KMT2E: variants seen among roughly 807,000 people sequenced by gnomAD.
The protein encoded by KMT2E is lysine methyltransferase 2E (inactive).
KMT2E carries 30 observed loss-of-function variants against 184.6 expected under a neutral mutation model. The ratio of observed to expected loss-of-function variants is 0.16; its 90% CI spans 0.12 to 0.22. The LOEUF (loss-of-function observed/expected upper bound fraction) is 0.22, where lower values mean the gene tolerates loss of function less well. Among genes scored for constraint, KMT2E ranks in the 10% least tolerant of loss-of-function variants. KMT2E has a pLI of 1.00. For missense variants in KMT2E, 2,023 were observed against 2,237.4 expected (o/e 0.90, Z 1.93); for synonymous variants, 815 against 776.5 (o/e 1.05, Z -0.82).
chr7:105,022,020 C>T (rs1317916413), intron 1 of KMT2E, among the ~76,000 whole-genome samples: 1 of 152,092 alleles, frequency 6.6e-6, no homozygotes, highest in Non-Finnish European at 1.5e-5. Flanking sequence ...TATATATACA[C>T]CTGGTATTTT....
chr7:105,064,061 C>T (rs1451803373), intron 5 of KMT2E: 1 of 449,076 alleles, frequency 2.2e-6, no homozygotes, highest in African/African-American at 2.0e-5. Flanking sequence ...GAACCACAGT[C>T]TCCCCTCCCC....
intron 1 of KMT2E, among the ~76,000 whole-genome samples, chr7:105,028,169 C>CTT (rs751104838): frequency 2.8e-5 from 4 of 142,124 alleles, no homozygotes; most frequent in African/African-American, 2.6e-5. Context: ...GGAACTGAGA[C>CTT]TTTTTTTTTT....
Position 105,077,095 on chromosome 7 carries a change from C to G in KMT2E, c.901C>G (p.Gln301Glu). The G allele has an allele frequency of 6.2e-7, 1 of 1,613,666 alleles. No homozygotes were observed. The highest frequency in any genetic ancestry group is 8.5e-7 in the Non-Finnish European group (1 of 1,179,846). Residue 301 changes from glutamine to glutamate, a missense_variant, in exon 10 of 27, where the codon CAA (glutamine) becomes GAA (glutamate). Coordinates refer to ENST00000311117, the MANE Select transcript of KMT2E (RefSeq NM_182931.3). ...CAGTGAGGGTGTTCAGAGGGAGGCACAAAGAATAGCTCTGAGATTAGGCAA... is the reference window on the plus strand; with the variant it reads ...CAGTGAGGGTGTTCAGAGGGAGGCAGAAAGAATAGCTCTGAGATTAGGCAA... ...QYSEGVQREA[Q>E]RIALRLGNGN...
intron 1 of KMT2E, among the ~76,000 whole-genome samples, chr7:105,029,617 A>G (rs1283314863): frequency 1.3e-5 from 2 of 152,170 alleles, no homozygotes; most frequent in East Asian, 3.9e-4. Context: ...GAGGAGGCAC[A>G]AAAGATTGGG....
intron 1 of KMT2E, among the ~76,000 whole-genome samples, chr7:105,031,006 G>A (rs1330977019): frequency 6.6e-6 from 1 of 152,176 alleles, no homozygotes; most frequent in African/African-American, 2.4e-5. Flanking sequence ...GTGATAGAAA[G>A]CATACTTAGA....
Position 105,106,015 on chromosome 7 carries a change from T to A in KMT2E, c.2596+12T>A, listed in dbSNP as rs201118896. 1.6e-4 allele frequency: 256 copies of A among 1,596,564 alleles called. 1 individual carries two copies. The highest frequency in any genetic ancestry group is 8.4e-4 in the Middle Eastern group (5 of 5,956). On this transcript the variant is annotated intron_variant, in intron 19 of 26. Transcript: ENST00000311117. ...CTGTTCCCTTCCAGGTAGAATTTTT[T>A]TTTCAGAGTTTTGGTTTGAGAAATG...
chr7:105,113,476 T>TTTGC lies in KMT2E; in HGVS notation c.*146_*149dup. 1.0e-6 allele frequency: 1 copy of TTTGC among 989,396 alleles called. No individual in the cohort carries two copies. Among genetic ancestry groups the TTTGC allele is most frequent in the Non-Finnish European group, 1.4e-6 (1 of 709,704 alleles). 61.3% of individuals were successfully genotyped at this position (989,396 alleles called of 1,614,324 possible). ...GCTCTTTCGTTGTATTTTTCTCATT[T>TTTGC]TTGCTTTTTAAAATTCCTTTAAAAA... is the stretch of plus-strand genomic sequence containing the variant. On this transcript the variant is annotated 3_prime_UTR_variant, in exon 27 of 27. Coordinates refer to ENST00000311117, the MANE Select transcript of KMT2E (RefSeq NM_182931.3).
chr7:105,033,461 T>A (rs1324995979), intron 1 of KMT2E, among the ~76,000 whole-genome samples: 1 of 152,060 alleles, frequency 6.6e-6, no homozygotes, highest in Non-Finnish European at 1.5e-5. Context: ...AATAGAAGGT[T>A]TTTTGTATTT....
chr7:105,111,343 CTTATACTT>C (rs1301485045), intron 26 of KMT2E, among the ~76,000 whole-genome samples: 1 of 151,042 alleles, frequency 6.6e-6, no homozygotes, highest in Non-Finnish European at 1.5e-5. Context: ...TTTAAACAGT[CTTATACTT>C]GGTTTATTTA....
intron 2 of KMT2E, among the ~76,000 whole-genome samples, chr7:105,040,067 A>G (rs888422803): frequency 6.6e-6 from 1 of 152,312 alleles, no homozygotes; most frequent in South Asian, 2.1e-4. Context: ...TAACTGAACA[A>G]TATTAATGGA....
chr7:105,021,159 G>T (rs933017835), intron 1 of KMT2E, among the ~76,000 whole-genome samples: 2 of 152,234 alleles, frequency 1.3e-5, no homozygotes, highest in Non-Finnish European at 2.9e-5. Flanking sequence ...GGTTAGGACT[G>T]TGGTCCAGTA....
chr7:105,094,947 C>CTG (rs769015182), intron 15 of KMT2E, among the ~76,000 whole-genome samples: 56 of 152,290 alleles, frequency 3.7e-4, no homozygotes, highest in Non-Finnish European at 5.4e-4. Context: ...GTGGGATCTA[C>CTG]TGTACTTCAC....
At chr7:105,040,307 A>G (rs988754420) in intron 2 of KMT2E, among the ~76,000 whole-genome samples, 12 of 152,206 alleles carry the variant, frequency 7.9e-5, no homozygotes, top group African/African-American at 2.7e-4. Flanking sequence ...ATTACTAATT[A>G]TTATAATATG....
chr7:105,113,529 C>CTTTA lies in KMT2E; in HGVS notation c.*200_*203dup, dbSNP rs1799429647. Reference sequence around the variant, plus strand: ...GTGCTGTTAAGCCAGTATTAGGTATCTTTATTTTGTAAGTGAACATTCCAG... The same window carrying CTTTA: ...GTGCTGTTAAGCCAGTATTAGGTATCTTTATTTATTTTGTAAGTGAACATTCCAG... On this transcript the variant is annotated 3_prime_UTR_variant, in exon 27 of 27. Transcript: ENST00000311117. 2.8e-5 allele frequency: 14 copies of CTTTA among 503,266 alleles called. 1 individual carries two copies. The South Asian group carries it at 4.6e-4, about 17-fold the overall frequency. The allele number at this position is 503,266 out of a possible 1,614,324, so 31.2% of individuals were successfully genotyped here.
chr7:105,099,943 C>G (rs1166583370), intron 15 of KMT2E, among the ~76,000 whole-genome samples: 1 of 151,870 alleles, frequency 6.6e-6, no homozygotes, highest in Non-Finnish European at 1.5e-5. Flanking sequence ...TTACAGAGAA[C>G]CACAAGACAA....
At chr7:105,065,020 T>C (rs865904599) in intron 5 of KMT2E, among the ~76,000 whole-genome samples, 30 of 152,208 alleles carry the variant, frequency 2.0e-4, no homozygotes, top group African/African-American at 7.0e-4. Flanking sequence ...GGAGTTTTTA[T>C]ATCCATCTAC....
At chr7:105,032,052 G>C (rs116939531) in intron 1 of KMT2E, among the ~76,000 whole-genome samples, 1 of 119,840 alleles carries the variant, frequency 8.3e-6, no homozygotes, top group South Asian at 2.9e-4. Context: ...CAGCCTGGGC[G>C]ACATAGCAAG....
intron 1 of KMT2E, among the ~76,000 whole-genome samples, chr7:105,021,086 AC>A (rs1313885836): frequency 2.0e-5 from 3 of 151,942 alleles, no homozygotes; most frequent in African/African-American, 7.3e-5. Context: ...GAATTTGAAA[AC>A]CCCATTTCCT....
chr7:105,087,010 AAT>A (rs1024660506), intron 13 of KMT2E, among the ~76,000 whole-genome samples: 1 of 146,910 alleles, frequency 6.8e-6, no homozygotes, highest in Non-Finnish European at 1.5e-5. Context: ...TTTGTTGGCA[AAT>A]ATATAGCATA....
Sources: gnomAD v4.1 joint callset for allele counts (sites outside exome capture counted in the v4.1 genomes callset) on GRCh38, gnomAD v4.1.1 for gene constraint, MANE v1.5 for transcripts, NCBI Gene and HGNC (gene_info 2026-07-23, HGNC 2026-07-21) for gene names.